THSD7B: variants seen among roughly 807,000 people sequenced by gnomAD.
THSD7B encodes thrombospondin type 1 domain containing 7B.
In THSD7B, 138 loss-of-function variants were observed where a neutral mutation model predicts 213.6. The ratio of observed to expected loss-of-function variants is 0.65; its 90% CI spans 0.56 to 0.74. The LOEUF (loss-of-function observed/expected upper bound fraction) is 0.74, where lower values mean the gene tolerates loss of function less well. THSD7B is among the 30% of genes least tolerant of loss of function. The probability of loss-of-function intolerance (pLI) is 0.00; values close to 1 mark genes in which losing one functional copy is unlikely to be tolerated. For synonymous variants in THSD7B, 742 were observed against 687.0 expected (o/e 1.08, Z -1.25); for missense variants, 1,931 against 1,991.5 (o/e 0.97, Z 0.58).
chr2:137,430,601 C>G (rs1687156050), intron 14 of THSD7B, among the ~76,000 whole-genome samples: 1 of 152,242 alleles, frequency 6.6e-6, no homozygotes, highest in African/African-American at 2.4e-5. Flanking sequence ...ACCTTTCTCT[C>G]TCTCAGTGAT....
chr2:137,178,177 A>T (rs1271043198), intron 7 of THSD7B, among the ~76,000 whole-genome samples: 2 of 150,326 alleles, frequency 1.3e-5, no homozygotes, highest in Non-Finnish European at 3.0e-5. Flanking sequence ...AGAAGCAAGC[A>T]GTGAGTAAAT....
At chr2:137,599,271 T>A (rs950101604) in intron 17 of THSD7B, among the ~76,000 whole-genome samples, 5 of 151,984 alleles carry the variant, frequency 3.3e-5, no homozygotes, top group African/African-American at 1.2e-4. Context: ...ATTTTCTTAA[T>A]CCAGTCTATC....
chr2:137,558,407 A>G (rs1179634812), intron 15 of THSD7B, among the ~76,000 whole-genome samples: 3 of 152,222 alleles, frequency 2.0e-5, no homozygotes, highest in African/African-American at 7.2e-5. Flanking sequence ...GGCTGGTTCA[A>G]CATATGCAAA....
chr2:137,357,665 G>T (rs1384090638), intron 12 of THSD7B, among the ~76,000 whole-genome samples: 3 of 152,158 alleles, frequency 2.0e-5, no homozygotes, highest in African/African-American at 7.2e-5. Context: ...GGAGAAAATG[G>T]ATAGCCTAAC....
chr2:136,854,813 C>G (rs1324881708), intron 1 of THSD7B, among the ~76,000 whole-genome samples: 2 of 151,918 alleles, frequency 1.3e-5, no homozygotes, highest in Non-Finnish European at 2.9e-5. Flanking sequence ...GTGGGAAATC[C>G]AACCACAGAA....
At chr2:137,067,275 A>G (rs1307290472) in intron 3 of THSD7B, among the ~76,000 whole-genome samples, 1 of 152,122 alleles carries the variant, frequency 6.6e-6, no homozygotes, top group Non-Finnish European at 1.5e-5. Flanking sequence ...GACATGATGT[A>G]CCAGGCAAAT....
intron 15 of THSD7B, among the ~76,000 whole-genome samples, chr2:137,551,755 A>T (rs1680852934): frequency 6.6e-6 from 1 of 152,150 alleles, no homozygotes; most frequent in Non-Finnish European, 1.5e-5. Context: ...ACCAGGCGTG[A>T]TGGGAAGCTC....
At chr2:137,489,921 T>TTG (rs920049394) in intron 15 of THSD7B, among the ~76,000 whole-genome samples, 6 of 152,244 alleles carry the variant, frequency 3.9e-5, no homozygotes, top group East Asian at 1.9e-4. Flanking sequence ...TCTGTTTTTT[T>TTG]TGTGTGTGTG....
At chr2:137,113,734 G>A (rs140939568) in intron 4 of THSD7B, among the ~76,000 whole-genome samples, 4 of 152,238 alleles carry the variant, frequency 2.6e-5, no homozygotes, top group Admixed American at 6.5e-5. Flanking sequence ...ACTGTGCCCG[G>A]CCAGAAATAT....
intron 2 of THSD7B, among the ~76,000 whole-genome samples, chr2:136,995,670 G>T (rs928535842): frequency 3.9e-5 from 6 of 152,048 alleles, no homozygotes; most frequent in African/African-American, 1.4e-4. Flanking sequence ...AATAAGATGG[G>T]TCAATAATTA....
At chr2:136,800,093 A>G (rs1416539643) in intron 1 of THSD7B, among the ~76,000 whole-genome samples, 1 of 152,056 alleles carries the variant, frequency 6.6e-6, no homozygotes, top group Non-Finnish European at 1.5e-5. Context: ...TTAAAAAACA[A>G]TTGTATATAT....
At chr2:137,343,072 T>G (rs922658812) in intron 12 of THSD7B, among the ~76,000 whole-genome samples, 4 of 136,694 alleles carry the variant, frequency 2.9e-5, no homozygotes, top group Non-Finnish European at 4.7e-5. Context: ...TTCCCTTCTG[T>G]TTTTTTTTTT....
intron 3 of THSD7B, among the ~76,000 whole-genome samples, chr2:137,060,111 G>A (rs936804942): frequency 3.9e-5 from 6 of 152,040 alleles, no homozygotes; most frequent in African/African-American, 1.4e-4. Context: ...ATTCCTTAAT[G>A]ACATGTGATG....
chr2:136,843,928 T>C (rs1034271319), intron 1 of THSD7B, among the ~76,000 whole-genome samples: 1 of 152,138 alleles, frequency 6.6e-6, no homozygotes, highest in Non-Finnish European at 1.5e-5. Flanking sequence ...GATCCAACAG[T>C]TATTCACTGT....
chr2:137,293,144 CT>C lies in THSD7B; in HGVS notation c.2500+17129del, dbSNP rs57223493. 2.0e-3 allele frequency among the ~76,000 whole-genome samples: 299 copies of C among 146,754 alleles called. 1 individual carries two copies. Among genetic ancestry groups the C allele is most frequent in the African/African-American group, 5.1e-3 (207 of 40,412 alleles). On this transcript the variant is annotated intron_variant, in intron 12 of 27. Transcript: ENST00000409968. ...TTAGTTTTGTTTTTTGACAGATAGT[CT>C]TTTTTTTTTTCTTTTGAGACATGGT...
At chr2:137,054,946 G>A (rs1011131556) in intron 2 of THSD7B, among the ~76,000 whole-genome samples, 6 of 151,908 alleles carry the variant, frequency 3.9e-5, no homozygotes, top group Non-Finnish European at 8.8e-5. Context: ...CCCATACCAC[G>A]ACAGGCCCTG....
At chr2:137,153,126 A>C (rs1354740240) in intron 5 of THSD7B, among the ~76,000 whole-genome samples, 1 of 152,188 alleles carries the variant, frequency 6.6e-6, no homozygotes, top group Non-Finnish European at 1.5e-5. Flanking sequence ...TATATGGCTG[A>C]AGGCTACTAT....
intron 3 of THSD7B, 74 bp downstream of exon 3, chr2:137,057,304 G>A (rs1261177631): frequency 7.4e-7 from 1 of 1,353,552 alleles, no homozygotes; most frequent in Non-Finnish European, 9.9e-7. Flanking sequence ...GCTTCTTTAT[G>A]ATTTTCTACA....
chr2:137,328,841 A>T (rs1558759573), intron 12 of THSD7B, among the ~76,000 whole-genome samples: 1 of 152,048 alleles, frequency 6.6e-6, no homozygotes, highest in African/African-American at 2.4e-5. Flanking sequence ...CATCTCTTTC[A>T]TTATCTCTCC....
Sources: gnomAD v4.1 joint callset for allele counts (sites outside exome capture counted in the v4.1 genomes callset) on GRCh38, gnomAD v4.1.1 for gene constraint, MANE v1.5 for transcripts, NCBI Gene and HGNC (gene_info 2026-07-23, HGNC 2026-07-21) for gene names.